RB1CC1: variants seen among roughly 807,000 people sequenced by gnomAD.
RB1CC1 encodes the protein RB1 inducible coiled-coil 1, also known as RB1-inducible coiled-coil protein 1.
A neutral mutation model predicts 177.5 loss-of-function variants in RB1CC1; 46 were observed. The ratio of observed to expected loss-of-function variants is 0.26; its 90% CI spans 0.20 to 0.33. RB1CC1 has a LOEUF of 0.33. Among genes scored for constraint, RB1CC1 ranks in the 10% least tolerant of loss-of-function variants. The pLI is 1.00. For synonymous variants in RB1CC1, 666 were observed against 613.6 expected, an observed-to-expected ratio of 1.09 and a Z score of -1.26; for missense variants, 1,703 against 1,816.3, an observed-to-expected ratio of 0.94 and a Z score of 1.13.
intron 15 of RB1CC1, among the ~76,000 whole-genome samples, chr8:52,647,704 A>G (rs2150430333): frequency 6.6e-6 from 1 of 152,302 alleles, no homozygotes; most frequent in East Asian, 1.9e-4. Flanking sequence ...GGAGGAAATC[A>G]AGAGAGCACT....
At chr8:52,701,508 C>T (rs561321494) in intron 1 of RB1CC1, among the ~76,000 whole-genome samples, 17 of 152,292 alleles carry the variant, frequency 1.1e-4, no homozygotes, top group African/African-American at 3.6e-4. Flanking sequence ...CCAGTCAAAA[C>T]AAGAGGATAC....
Position 52,656,505 on chromosome 8 carries a change from G to A in RB1CC1, c.3324C>T (p.Asn1108=), listed in dbSNP as rs1313907836. ...TTTCATTATTATCCTGAATCTTTTG[G>A]TTGAGTTTACTAATTTCTGTTCTCA... ...ENLRTEISKL[N]QKIQDNNENY... The change falls in exon 15 of 24, where the codon AAC becomes AAT. Residue 1108 remains asparagine (N), a synonymous_variant. Transcript: ENST00000025008. 2 of 1,610,952 alleles carry A rather than the reference G, an allele frequency of 1.2e-6. No individual in the cohort carries two copies. Among genetic ancestry groups the A allele is most frequent in the South Asian group, 2.2e-5 (2 of 90,900 alleles).
intron 1 of RB1CC1, among the ~76,000 whole-genome samples, chr8:52,701,032 CTCAAGCCAGTTGTT>C (rs1856002137): frequency 6.6e-6 from 1 of 152,178 alleles, no homozygotes; most frequent in African/African-American, 2.4e-5. Flanking sequence ...AAATTGGACT[CTCAAGCCAGTTGTT>C]TAGGGAAACA....
intron 15 of RB1CC1, among the ~76,000 whole-genome samples, chr8:52,655,283 T>C (rs1342461834): frequency 6.6e-6 from 1 of 152,166 alleles, no homozygotes; most frequent in Non-Finnish European, 1.5e-5. Context: ...GGTTGAAATA[T>C]ATATGTATTC....
intron 8 of RB1CC1, among the ~76,000 whole-genome samples, chr8:52,666,149 ATATT>A (rs1196609333): frequency 6.6e-6 from 1 of 152,096 alleles, no homozygotes; most frequent in East Asian, 1.9e-4. Context: ...AGGCCTCACA[ATATT>A]TCTTTGATTT....
chr8:52,697,311 AAAG>A (rs1204469010), intron 1 of RB1CC1, among the ~76,000 whole-genome samples: 71 of 152,044 alleles, frequency 4.7e-4, no homozygotes, highest in East Asian at 4.2e-3. Flanking sequence ...AAAAAAAAAA[AAAG>A]AAGACTTTTT....
At chr8:52,652,286 G>A (rs946242774) in intron 15 of RB1CC1, among the ~76,000 whole-genome samples, 6 of 151,936 alleles carry the variant, frequency 3.9e-5, no homozygotes, top group African/African-American at 1.2e-4. Flanking sequence ...CTAACATGGC[G>A]AAACCCCATC....
Position 52,633,658 on chromosome 8 carries a change from C to T in RB1CC1, c.4440+1263G>A, listed in dbSNP as rs189450611. Among the ~76,000 whole-genome samples the T allele has an allele frequency of 1.2e-3, 182 of 152,278 alleles. 1 individual carries two copies. The highest frequency in any genetic ancestry group is 4.3e-3 in the African/African-American group (177 of 41,562). ...CACTGAACAGAAGCCTTAAACTGTT[C>T]CTACTACCTTGTAAACTGTAATTAA... On this transcript the variant is annotated intron_variant, in intron 20 of 23. Coordinates refer to ENST00000025008, the MANE Select transcript of RB1CC1 (RefSeq NM_014781.5).
At position 52,661,736 on chromosome 8, in the gene RB1CC1, G is replaced by A; in HGVS notation, c.1174-17C>T. The A allele has an allele frequency of 6.6e-7, 1 of 1,512,388 alleles. No homozygotes were observed. The highest frequency in any genetic ancestry group is 8.8e-7 in the Non-Finnish European group (1 of 1,131,218). 93.7% of individuals were successfully genotyped at this position (1,512,388 alleles called of 1,614,324 possible). A position where few individuals can be genotyped will look rare whatever the true frequency, so the allele number is the denominator to read the frequency against. On this transcript the variant is annotated splice_polypyrimidine_tract_variant and intron_variant, in intron 8 of 23. Transcript: ENST00000025008. ...TAAAAATCCCTTTGAGAAAAAAAAT[G>A]TTTCAAAGGACATTAATTTTGTTTC...
At chr8:52,708,388 A>G (rs542102416) in intron 1 of RB1CC1, among the ~76,000 whole-genome samples, 27 of 152,240 alleles carry the variant, frequency 1.8e-4, no homozygotes, top group East Asian at 7.7e-4. Flanking sequence ...ATGGTGGCGG[A>G]TGCCTGTAGT....
chr8:52,691,426 C>A (rs1854847900), intron 1 of RB1CC1, among the ~76,000 whole-genome samples: 1 of 152,084 alleles, frequency 6.6e-6, no homozygotes, highest in Non-Finnish European at 1.5e-5. Context: ...AAGAAATAAA[C>A]CTAATTGAGA....
chr8:52,655,900 G>A, intron 15 of RB1CC1, 108 bp downstream of exon 15: 1 of 844,366 alleles, frequency 1.2e-6, no homozygotes, highest in Non-Finnish European at 1.7e-6. Flanking sequence ...AAATACCCTA[G>A]TTGCTACATT....
At chr8:52,669,850 C>A (rs969709149) in intron 7 of RB1CC1, among the ~76,000 whole-genome samples, 1 of 152,132 alleles carries the variant, frequency 6.6e-6, no homozygotes, top group Non-Finnish European at 1.5e-5. Flanking sequence ...AACAAGGGCT[C>A]CTGAATACAA....
intron 1 of RB1CC1, among the ~76,000 whole-genome samples, chr8:52,703,299 C>G (rs1856254108): frequency 6.6e-6 from 1 of 152,184 alleles, no homozygotes; most frequent in Non-Finnish European, 1.5e-5. Flanking sequence ...CCTATCTGAG[C>G]ACCTACTATC....
chr8:52,692,927 G>A (rs1181260886), intron 1 of RB1CC1, among the ~76,000 whole-genome samples: 1 of 152,194 alleles, frequency 6.6e-6, no homozygotes, highest in South Asian at 2.1e-4. Context: ...CCCAGATCCT[G>A]AGAGAACAAG....
At chr8:52,701,785 C>T (rs1015032369) in intron 1 of RB1CC1, among the ~76,000 whole-genome samples, 1 of 149,854 alleles carries the variant, frequency 6.7e-6, no homozygotes, top group African/African-American at 2.5e-5. Flanking sequence ...CCACTAAAGT[C>T]TTCTTTGAAA....
chr8:52,684,001 A>G lies in RB1CC1; in HGVS notation c.84T>C (p.Leu28=). 6.2e-7 allele frequency: 1 copy of G among 1,611,476 alleles called. No homozygotes were observed. Among genetic ancestry groups the G allele is most frequent in the Non-Finnish European group, 8.5e-7 (1 of 1,179,422 alleles). The change falls in exon 4 of 24, where the codon CTT becomes CTC. Residue 28 remains leucine (L), a synonymous_variant. Coordinates refer to ENST00000025008, the MANE Select transcript of RB1CC1 (RefSeq NM_014781.5). ...TGTATTTGCTTTGAATGGCATGCTT[A>G]AGGTCTGCCACACTTCAAAAAATGA... ...TELTVQTVAD[L]KHAIQSKYKI...
chr8:52,628,689 C>T (rs1848554563), intron 21 of RB1CC1, among the ~76,000 whole-genome samples: 1 of 152,100 alleles, frequency 6.6e-6, no homozygotes, highest in Admixed American at 6.6e-5. Flanking sequence ...GGGGTATAAG[C>T]CCGAAAGAAG....
At chr8:52,702,843 G>A (rs1856203211) in intron 1 of RB1CC1, among the ~76,000 whole-genome samples, 2 of 152,054 alleles carry the variant, frequency 1.3e-5, no homozygotes, top group South Asian at 2.1e-4. Flanking sequence ...TCATATGGCT[G>A]TTGCAGAAAA....
Sources: allele counts gnomAD v4.1 joint callset (sites outside exome capture counted in the v4.1 genomes callset), GRCh38; gene constraint gnomAD v4.1.1; transcripts MANE v1.5; gene names NCBI Gene and HGNC (gene_info 2026-07-23, HGNC 2026-07-21).